The following CAMTA1 variants were observed in gnomAD, a reference collection of about 807,000 sequenced individuals.
CAMTA1 encodes the protein calmodulin-binding transcription activator 1.
CAMTA1 carries 27 observed loss-of-function variants against 170.9 expected under a neutral mutation model. The ratio of observed to expected loss-of-function variants is 0.16; its 90% CI spans 0.12 to 0.22. CAMTA1 has a LOEUF of 0.22. CAMTA1 is among the 10% of genes least tolerant of loss of function. CAMTA1 has a pLI of 1.00. For missense variants in CAMTA1, 1,619 were observed against 2,217.2 expected (o/e 0.73, Z 5.42); for synonymous variants, 833 against 891.5 (o/e 0.93, Z 1.17).
intron 1 of CAMTA1, among the ~76,000 whole-genome samples, chr1:6,793,766 A>G (rs1470453459): frequency 6.6e-6 from 1 of 152,096 alleles, no homozygotes; most frequent in Non-Finnish European, 1.5e-5. Context: ...GTTATTGTCT[A>G]TTTTTCCTTC....
At chr1:7,643,082 C>T (rs1181300292) in intron 7 of CAMTA1, among the ~76,000 whole-genome samples, 1 of 151,912 alleles carries the variant, frequency 6.6e-6, no homozygotes, top group African/African-American at 2.4e-5. Context: ...GAAAGGGTGA[C>T]CAGGGTCCAG....
chr1:6,903,714 C>T (rs894149014), intron 3 of CAMTA1, among the ~76,000 whole-genome samples: 9 of 152,092 alleles, frequency 5.9e-5, no homozygotes, highest in East Asian at 1.9e-4. Flanking sequence ...CTCAGTGTTA[C>T]GAAGAAGTTG....
intron 3 of CAMTA1, among the ~76,000 whole-genome samples, chr1:6,881,198 A>C (rs530103591): frequency 1.3e-5 from 2 of 152,306 alleles, no homozygotes; most frequent in South Asian, 4.2e-4. Context: ...CTTTTAAAAA[A>C]CTGCCCAATC....
chr1:6,830,182 G>A lies in CAMTA1; in HGVS notation c.234+4972G>A, dbSNP rs538723811. 2.0e-3 allele frequency among the ~76,000 whole-genome samples: 293 copies of A among 150,064 alleles called. 1 individual carries two copies. Among genetic ancestry groups the A allele is most frequent in the African/African-American group, 6.7e-3 (273 of 40,824 alleles). On this transcript the variant is annotated intron_variant, in intron 3 of 22. Coordinates refer to ENST00000303635, the MANE Select transcript of CAMTA1 (RefSeq NM_015215.4). Reference sequence around the variant, plus strand: ...CTCCCGCGTAGCTAGGACTACAGGCGCCCACCACCATGCCGGGCTAGTTTT... The same window carrying A: ...CTCCCGCGTAGCTAGGACTACAGGCACCCACCACCATGCCGGGCTAGTTTT...
In CAMTA1 at chr1:7,377,746, C is replaced by T. The variant is rs72853132; in HGVS notation, c.439-90084C>T. Reference sequence around the variant, plus strand: ...ACCAGCCTGGCCAACATGGTGAAACCCTGTCTCTACTAAAAATGCAAAAAT... The same window carrying T: ...ACCAGCCTGGCCAACATGGTGAAACTCTGTCTCTACTAAAAATGCAAAAAT... On this transcript the variant is annotated intron_variant, in intron 5 of 22. Transcript: ENST00000303635. Among the ~76,000 whole-genome samples, 5 of 152,092 alleles carry T rather than the reference C, an allele frequency of 3.3e-5. 1 individual carries two copies. The South Asian group carries it at 1.0e-3, about 32-fold the overall frequency.
intron 6 of CAMTA1, among the ~76,000 whole-genome samples, chr1:7,480,991 T>G (rs2149627183): frequency 6.6e-6 from 1 of 152,284 alleles, no homozygotes. Flanking sequence ...CATCGATGGC[T>G]CGCCGTCATG....
At chr1:7,155,413 A>G (rs1318979205) in intron 4 of CAMTA1, among the ~76,000 whole-genome samples, 1 of 149,770 alleles carries the variant, frequency 6.7e-6, no homozygotes, top group Admixed American at 6.6e-5. Flanking sequence ...CAGGGAAAAG[A>G]GTGGCGCCCA....
chr1:7,665,338 C>A lies in CAMTA1; in HGVS notation c.2652+139C>A, dbSNP rs1303801318. 4 of 614,182 alleles carry A rather than the reference C, an allele frequency of 6.5e-6. No individual in the cohort carries two copies. The highest frequency in any genetic ancestry group is 3.8e-5 in the Admixed American group (1 of 26,100). The allele number at this position is 614,182 out of a possible 1,614,324, so 38.0% of individuals were successfully genotyped here. A position where few individuals can be genotyped will look rare whatever the true frequency, so the allele number is the denominator to read the frequency against. On this transcript the variant is annotated intron_variant, in intron 9 of 22. Transcript: ENST00000303635. This position sits in a 1 kb window ranked among gnomAD's most constrained non-coding sequence, Gnocchi z 4.3. ...GACCACAAAGATGATGCTTTCCCCT[C>A]CTTGTGTCCCCACGGCGCTTGAACA...
chr1:7,521,214 T>A lies in CAMTA1; in HGVS notation c.510+53313T>A, dbSNP rs182498281. 4.8e-3 allele frequency among the ~76,000 whole-genome samples: 727 copies of A among 152,338 alleles called. 3 individuals are homozygous for A. Among genetic ancestry groups the A allele is most frequent in the Non-Finnish European group, 8.6e-3 (585 of 68,034 alleles). On this transcript the variant is annotated intron_variant, in intron 6 of 22. Coordinates refer to ENST00000303635, the MANE Select transcript of CAMTA1 (RefSeq NM_015215.4). The stretch of plus-strand genomic sequence containing the variant: ...TGATGGTAGACAGGGTGATTGTTTC[T>A]TAATGACTTATTTGGCAAAATTAAA...
At chr1:7,172,830 G>A (rs1649943928) in intron 4 of CAMTA1, among the ~76,000 whole-genome samples, 1 of 152,186 alleles carries the variant, frequency 6.6e-6, no homozygotes, top group East Asian at 1.9e-4. Context: ...AGGCGTGAGG[G>A]GCAGTGACGC....
intron 3 of CAMTA1, among the ~76,000 whole-genome samples, chr1:6,857,657 A>G (rs1376665523): frequency 6.6e-6 from 1 of 151,264 alleles, no homozygotes; most frequent in Non-Finnish European, 1.5e-5. Context: ...TAGACCATAG[A>G]GGGAAGAGAA....
intron 3 of CAMTA1, among the ~76,000 whole-genome samples, chr1:7,022,995 C>T (rs1265646668): frequency 2.0e-5 from 3 of 152,132 alleles, no homozygotes; most frequent in Non-Finnish European, 4.4e-5. Flanking sequence ...GCTGAGGTTT[C>T]ACAGGCCCCA....
In CAMTA1 at chr1:7,356,945, G is replaced by A. The variant is rs546721749; in HGVS notation, c.438+107319G>A. ...CCCGTGGAAGCTGTGGTTCATGTCAGCTGCTGCTGTGATTGTCCACACTCA... is the reference window on the plus strand; with the variant it reads ...CCCGTGGAAGCTGTGGTTCATGTCAACTGCTGCTGTGATTGTCCACACTCA... On this transcript the variant is annotated intron_variant, in intron 5 of 22. Coordinates refer to ENST00000303635, the MANE Select transcript of CAMTA1 (RefSeq NM_015215.4). Among the ~76,000 whole-genome samples, 7 of 152,294 alleles carry A rather than the reference G, an allele frequency of 4.6e-5. No individual in the cohort carries two copies. The South Asian group carries it at 1.5e-3, about 32-fold the overall frequency.
At chr1:7,169,432 G>GAATA (rs1301460141) in intron 4 of CAMTA1, among the ~76,000 whole-genome samples, 1 of 152,042 alleles carries the variant, frequency 6.6e-6, no homozygotes, top group Non-Finnish European at 1.5e-5. Flanking sequence ...TTTTTTGTGT[G>GAATA]TTTACAAGAA....
At chr1:7,450,567 C>T (rs1396720299) in intron 5 of CAMTA1, among the ~76,000 whole-genome samples, 1 of 152,224 alleles carries the variant, frequency 6.6e-6, no homozygotes, top group Non-Finnish European at 1.5e-5. Context: ...GTGCCCGGGG[C>T]TGCAGGCCCC....
intron 6 of CAMTA1, among the ~76,000 whole-genome samples, chr1:7,491,634 T>A (rs906087456): frequency 2.6e-5 from 4 of 152,232 alleles, no homozygotes; most frequent in Non-Finnish European, 5.9e-5. Context: ...ATGAATAGTG[T>A]TGATCCGTTG....
intron 6 of CAMTA1, among the ~76,000 whole-genome samples, chr1:7,637,745 C>G (rs529044441): frequency 5.8e-4 from 88 of 152,360 alleles, no homozygotes; most frequent in African/African-American, 1.9e-3. Context: ...ATCACAACTT[C>G]TTAGTGCTAC....
intron 3 of CAMTA1, among the ~76,000 whole-genome samples, chr1:6,999,511 G>C (rs1697864965): frequency 6.6e-6 from 1 of 152,168 alleles, no homozygotes; most frequent in Non-Finnish European, 1.5e-5. Context: ...AGTCTCCCAA[G>C]TAGTTGGGAA....
chr1:6,851,360 T>C (rs1660303049), intron 3 of CAMTA1, among the ~76,000 whole-genome samples: 1 of 152,058 alleles, frequency 6.6e-6, no homozygotes, highest in Non-Finnish European at 1.5e-5. Context: ...GAATGAAATA[T>C]GGAAATAAAA....
Sources: gnomAD v4.1 joint callset for allele counts (sites outside exome capture counted in the v4.1 genomes callset) on GRCh38, gnomAD v4.1.1 for gene constraint, Gnocchi (gnomAD v3.1) non-coding constraint, MANE v1.5 for transcripts, NCBI Gene and HGNC (gene_info 2026-07-23, HGNC 2026-07-21) for gene names.